RANBP17: variants seen among roughly 807,000 people sequenced by gnomAD.
RANBP17 encodes RAN binding protein 17.
Under a neutral mutation model 141.2 loss-of-function variants are expected in RANBP17, and 158 were observed. The observed-to-expected ratio is 1.12, with a 90% confidence interval of 0.98 to 1.28. RANBP17 has a LOEUF of 1.28. RANBP17 is among the 50% of genes most tolerant of loss of function. RANBP17 has a pLI of 0.00. For synonymous variants in RANBP17, 430 were observed against 450.0 expected, an observed-to-expected ratio of 0.96 and a Z score of 0.56; for missense variants, 1,438 against 1,290.7, an observed-to-expected ratio of 1.11 and a Z score of -1.75.
intron 14 of RANBP17, among the ~76,000 whole-genome samples, chr5:171,000,193 C>T (rs1779105829): frequency 6.6e-6 from 1 of 152,170 alleles, no homozygotes; most frequent in Non-Finnish European, 1.5e-5. Context: ...AATAATGCTG[C>T]TATGAATATG....
chr5:171,138,337 G>A (rs1019584899), intron 14 of RANBP17, among the ~76,000 whole-genome samples: 1 of 152,094 alleles, frequency 6.6e-6, no homozygotes, highest in African/African-American at 2.4e-5. Context: ...AAAGGAACAT[G>A]AGCACTTGCT....
chr5:171,233,429 G>A (rs544924088), intron 22 of RANBP17, among the ~76,000 whole-genome samples: 6 of 152,022 alleles, frequency 3.9e-5, no homozygotes, highest in South Asian at 2.1e-4. Context: ...GAAAACTTAC[G>A]GTCACACAAA....
chr5:170,907,983 A>G (rs995762702), intron 5 of RANBP17, among the ~76,000 whole-genome samples: 10 of 152,042 alleles, frequency 6.6e-5, no homozygotes, highest in Admixed American at 5.3e-4. Context: ...ATACCATTTC[A>G]CACCAGTCAG....
chr5:171,177,298 T>G (rs1231727193), intron 16 of RANBP17, among the ~76,000 whole-genome samples: 1 of 152,196 alleles, frequency 6.6e-6, no homozygotes, highest in Non-Finnish European at 1.5e-5. Context: ...CCAAGTTCTT[T>G]AGATTTTTGT....
At chr5:171,160,049 A>T (rs1759227666) in intron 14 of RANBP17, among the ~76,000 whole-genome samples, 1 of 152,176 alleles carries the variant, frequency 6.6e-6, no homozygotes, top group Non-Finnish European at 1.5e-5. Context: ...GTGAGTTGAA[A>T]ACTTACCTTG....
intron 14 of RANBP17, among the ~76,000 whole-genome samples, chr5:171,165,096 G>GC (rs539095589): frequency 1.1e-3 from 171 of 152,304 alleles, no homozygotes; most frequent in Non-Finnish European, 1.9e-3. Context: ...CAGGGAAACA[G>GC]CATTTGTTGA....
At chr5:171,007,433 C>G (rs962341438) in intron 14 of RANBP17, among the ~76,000 whole-genome samples, 2 of 151,980 alleles carry the variant, frequency 1.3e-5, no homozygotes, top group African/African-American at 4.8e-5. Flanking sequence ...CTGATTCAGC[C>G]TGGCAGGGAG....
chr5:170,864,903 C>T (rs892772339), intron 1 of RANBP17, among the ~76,000 whole-genome samples: 3 of 152,116 alleles, frequency 2.0e-5, no homozygotes, highest in Admixed American at 6.5e-5. Flanking sequence ...ATGGAAGATC[C>T]GTATGGTCTT....
chr5:171,125,410 A>AAG (rs572449946), intron 14 of RANBP17, among the ~76,000 whole-genome samples: 4 of 151,906 alleles, frequency 2.6e-5, no homozygotes, highest in African/African-American at 9.7e-5. Context: ...AAAAAAAAAA[A>AAG]AGAGAGACAA....
At chr5:170,947,909 T>C (rs1407682322) in intron 12 of RANBP17, among the ~76,000 whole-genome samples, 2 of 152,156 alleles carry the variant, frequency 1.3e-5, no homozygotes, top group Non-Finnish European at 2.9e-5. Context: ...TAGGATGGCG[T>C]CACTTTCACC....
chr5:171,162,033 C>T (rs906677127), intron 14 of RANBP17, among the ~76,000 whole-genome samples: 13 of 152,154 alleles, frequency 8.5e-5, no homozygotes, highest in Non-Finnish European at 1.9e-4. Flanking sequence ...ATAAATATTC[C>T]TTTAACTGTC....
chr5:171,205,909 T>C, intron 20 of RANBP17: 2 of 440,110 alleles, frequency 4.5e-6, no homozygotes, highest in South Asian at 4.0e-5. Flanking sequence ...CTAACATCTT[T>C]AGGGATCAAT....
intron 14 of RANBP17, among the ~76,000 whole-genome samples, chr5:171,013,223 A>G (rs375812953): frequency 2.3e-4 from 35 of 152,250 alleles, no homozygotes; most frequent in African/African-American, 7.9e-4. Context: ...CACCCACCAT[A>G]TGGCCCAAAC....
chr5:171,180,535 T>C (rs990358944), intron 16 of RANBP17, among the ~76,000 whole-genome samples: 4 of 152,158 alleles, frequency 2.6e-5, no homozygotes, highest in African/African-American at 9.7e-5. Flanking sequence ...CCAGCCAAAA[T>C]GGCACAACTC....
rs562223263 is a variant in RANBP17, at chr5:171,160,674, C to G, written c.1711-9456C>G. 3.0e-4 allele frequency among the ~76,000 whole-genome samples: 46 copies of G among 152,208 alleles called. 1 individual carries two copies. Among genetic ancestry groups the G allele is most frequent in the African/African-American group, 8.9e-4 (37 of 41,532 alleles). On this transcript the variant is annotated intron_variant, in intron 14 of 27. Transcript: ENST00000523189. The stretch of plus-strand genomic sequence containing the variant: ...ATTTTGTGATATTATACTTTGTAAC[C>G]CTAGTTAAAAGATGTACTTTTGCCA...
chr5:171,133,471 T>TTTCCTAATTCTTTATGTGTAAAGATTTA (rs1757072217), intron 14 of RANBP17, among the ~76,000 whole-genome samples: 1 of 152,208 alleles, frequency 6.6e-6, no homozygotes, highest in Non-Finnish European at 1.5e-5. Flanking sequence ...GTAAAGATTG[T>TTTCCTAATTCTTTATGTGTAAAGATTTA]TTCCTAATTC....
At chr5:170,878,565 TA>T (rs755158642) in intron 2 of RANBP17, among the ~76,000 whole-genome samples, 30 of 152,134 alleles carry the variant, frequency 2.0e-4, no homozygotes, top group African/African-American at 5.3e-4. Flanking sequence ...AAAATCTAGA[TA>T]GGGGAGGCAG....
intron 3 of RANBP17, 126 bp from the exon 4 acceptor site, chr5:170,892,261 A>C (rs961078810): frequency 3.9e-6 from 3 of 761,044 alleles, no homozygotes; most frequent in Non-Finnish European, 6.4e-6. Flanking sequence ...TAAGCCCTGC[A>C]TGCATTAGGT....
At chr5:171,286,599 T>C (rs999710035) in intron 25 of RANBP17, among the ~76,000 whole-genome samples, 4 of 152,228 alleles carry the variant, frequency 2.6e-5, no homozygotes, top group African/African-American at 9.6e-5. Flanking sequence ...ATTATGTTCA[T>C]TTTTCATAGC....
Sources: gnomAD v4.1 joint callset for allele counts (sites outside exome capture counted in the v4.1 genomes callset) on GRCh38, gnomAD v4.1.1 for gene constraint, MANE v1.5 for transcripts, NCBI Gene and HGNC (gene_info 2026-07-23, HGNC 2026-07-21) for gene names.